Variants in LPCAT2 observed in about 807,000 individuals in gnomAD.
LPCAT2 encodes the protein lysophosphatidylcholine acyltransferase 2.
LPCAT2 carries 58 observed loss-of-function variants against 64.7 expected under a neutral mutation model. The ratio of observed to expected loss-of-function variants is 0.90; its 90% confidence interval spans 0.73 to 1.12. The LOEUF (loss-of-function observed/expected upper bound fraction) is 1.12, where lower values mean the gene tolerates loss of function less well. LPCAT2 is among the 50% of genes most tolerant of loss of function. LPCAT2 has a pLI of 0.00. For missense variants in LPCAT2, 579 were observed against 669.8 expected, an observed-to-expected ratio of 0.86 and a Z score of 1.50; for synonymous variants, 252 against 245.3, an observed-to-expected ratio of 1.03 and a Z score of -0.26.
chr16:55,512,918 A>G (rs1217248947), intron 1 of LPCAT2, among the ~76,000 whole-genome samples: 1 of 152,224 alleles, frequency 6.6e-6, no homozygotes, highest in Non-Finnish European at 1.5e-5. Flanking sequence ...TTTTCCCTAA[A>G]AAAGTATAAA....
At chr16:55,576,274 T>C (rs1176665827) in intron 12 of LPCAT2, among the ~76,000 whole-genome samples, 1 of 152,126 alleles carries the variant, frequency 6.6e-6, no homozygotes, top group East Asian at 1.9e-4. Flanking sequence ...GTTTTGGAAG[T>C]ATTTTTGCAT....
intron 9 of LPCAT2, among the ~76,000 whole-genome samples, chr16:55,548,336 TA>T (rs2142397604): frequency 6.6e-6 from 1 of 152,318 alleles, no homozygotes; most frequent in Non-Finnish European, 1.5e-5. Flanking sequence ...AACTAGGAGT[TA>T]TACTTTCCCT....
At chr16:55,576,772 A>G (rs1426741695) in intron 12 of LPCAT2, among the ~76,000 whole-genome samples, 1 of 152,216 alleles carries the variant, frequency 6.6e-6, no homozygotes, top group Non-Finnish European at 1.5e-5. Flanking sequence ...AGTCTAGATC[A>G]TGCATGGGGT....
chr16:55,578,381 C>T (rs1963851614), intron 12 of LPCAT2, among the ~76,000 whole-genome samples: 14 of 152,122 alleles, frequency 9.2e-5, no homozygotes. Flanking sequence ...TCTGTTTTCC[C>T]ACTTTGGCTA....
Position 55,583,025 on chromosome 16 carries a change from C to A in LPCAT2, c.1562C>A (p.Thr521Asn). 6.2e-7 allele frequency: 1 copy of A among 1,613,782 alleles called. No homozygotes were observed. The highest frequency in any genetic ancestry group is 8.5e-7 in the Non-Finnish European group (1 of 1,179,800). ...VFSLPKEVQT[T>N]PSTASNKVSP... is the part of the protein sequence containing the mutation. ...TCATTACCAAAAGAAGTCCAGACAA[C>A]CCCCTCCACCGCCAGTAATAAAGTC... The change falls in exon 14 of 14, where the codon ACC (threonine) becomes AAC (asparagine). Residue 521 changes from threonine (T) to asparagine (N), a missense_variant. Physicochemically the swap from Thr to Asn is moderately conservative, Grantham distance 65. Coordinates refer to ENST00000262134, the MANE Select transcript of LPCAT2 (RefSeq NM_017839.5).
intron 8 of LPCAT2, chr16:55,541,440 T>C (rs975738340): frequency 6.5e-6 from 1 of 153,336 alleles, no homozygotes; most frequent in African/African-American, 2.4e-5. Context: ...ATATAGTTTA[T>C]TTAAGTATCC....
Position 55,549,259 on chromosome 16 carries a change from G to T in LPCAT2, c.936-18G>T. 1.3e-6 allele frequency: 2 copies of T among 1,516,658 alleles called. No homozygotes were observed. The highest frequency in any genetic ancestry group is 1.3e-5 in the South Asian group (1 of 75,492). The allele number at this position is 1,516,658 out of a possible 1,614,324, so 94.0% of individuals were successfully genotyped here. A position where few individuals can be genotyped will look rare whatever the true frequency, so the allele number is the denominator to read the frequency against. ...TTTTAAAAAAAATGAATTTTAGTTT[G>T]CTTCTTAATACTTTTAGAGCTCTGG... On this transcript the variant is annotated intron_variant, in intron 9 of 13. Transcript: ENST00000262134.
chr16:55,578,427 A>C (rs887269270), intron 12 of LPCAT2, among the ~76,000 whole-genome samples: 6 of 152,190 alleles, frequency 3.9e-5, no homozygotes, highest in Admixed American at 3.9e-4. Flanking sequence ...CTAAACTAGA[A>C]GATACCATTT....
At chr16:55,548,544 A>G (rs13335131) in intron 9 of LPCAT2, among the ~76,000 whole-genome samples, 2,318 of 152,264 alleles carry the variant, frequency 0.015, 55 homozygotes, top group African/African-American at 0.051. Flanking sequence ...ATTTTTTGAT[A>G]TGGGGTTTCC....
intron 11 of LPCAT2, among the ~76,000 whole-genome samples, chr16:55,562,680 G>A (rs1278429894): frequency 6.6e-6 from 1 of 151,808 alleles, no homozygotes; most frequent in Non-Finnish European, 1.5e-5. Flanking sequence ...TGTAACCTAA[G>A]TACTGAGCCC....
intron 8 of LPCAT2, among the ~76,000 whole-genome samples, chr16:55,544,925 G>A (rs896416385): frequency 2.0e-5 from 3 of 152,140 alleles, no homozygotes; most frequent in Non-Finnish European, 4.4e-5. Flanking sequence ...GGTAATAAGG[G>A]TAATGACACT....
intron 9 of LPCAT2, among the ~76,000 whole-genome samples, chr16:55,547,553 T>C (rs1963467586): frequency 6.6e-6 from 1 of 152,184 alleles, no homozygotes; most frequent in South Asian, 2.1e-4. Context: ...AGGTGAGTAG[T>C]TTGCCCAAAG....
intron 2 of LPCAT2, chr16:55,526,077 T>C (rs558697789): frequency 6.6e-6 from 1 of 152,656 alleles, no homozygotes; most frequent in East Asian, 1.9e-4. Flanking sequence ...TGCAGTGGCA[T>C]AAGTGGATTA....
At chr16:55,562,507 T>C (rs1284821936) in intron 11 of LPCAT2, among the ~76,000 whole-genome samples, 4 of 151,920 alleles carry the variant, frequency 2.6e-5, no homozygotes, top group Non-Finnish European at 5.9e-5. Context: ...TTTGTATCTT[T>C]CAGAGGAATT....
At chr16:55,548,545 T>A (rs1001729849) in intron 9 of LPCAT2, among the ~76,000 whole-genome samples, 1 of 152,116 alleles carries the variant, frequency 6.6e-6, no homozygotes, top group Non-Finnish European at 1.5e-5. Flanking sequence ...TTTTTTGATA[T>A]GGGGTTTCCC....
chr16:55,576,354 C>T (rs1596890210), intron 12 of LPCAT2, among the ~76,000 whole-genome samples: 1 of 152,094 alleles, frequency 6.6e-6, no homozygotes. Context: ...TAGCACTTCA[C>T]AGTTAATTTC....
chr16:55,509,762 A>G (rs1017696809), intron 1 of LPCAT2, among the ~76,000 whole-genome samples: 9 of 152,062 alleles, frequency 5.9e-5, no homozygotes, highest in Admixed American at 5.2e-4. Flanking sequence ...AATTGAGGAC[A>G]TTTAGAGGAT....
At position 55,509,991 on chromosome 16, in the gene LPCAT2, C is replaced by CTTTTTTTTTTTTTTTTTTTTTTTTT. The variant is rs57496150; in HGVS notation, c.171+656_171+657insTTTTTTTTTTTTTTTTTTTTTTTTT. Among the ~76,000 whole-genome samples, 7 of 102,542 alleles carry CTTTTTTTTTTTTTTTTTTTTTTTTT rather than the reference C, an allele frequency of 6.8e-5. 1 individual carries two copies. Among genetic ancestry groups the CTTTTTTTTTTTTTTTTTTTTTTTTT allele is most frequent in the African/African-American group, 2.6e-4 (7 of 27,212 alleles). 67.3% of individuals were successfully genotyped at this position (102,542 alleles called of 152,430 possible). A position where few individuals can be genotyped will look rare whatever the true frequency, so the allele number is the denominator to read the frequency against. ...TACGGGAGAGTAGATTTGAAGAAGT[C>CTTTTTTTTTTTTTTTTTTTTTTTTT]TTTTTTTTTTTTTTTTTGCCTTAGG... is the stretch of plus-strand genomic sequence containing the variant. On this transcript the variant is annotated intron_variant, in intron 1 of 13. Transcript: ENST00000262134.
chr16:55,535,108 T>C (rs989634600), intron 7 of LPCAT2, among the ~76,000 whole-genome samples: 2 of 152,160 alleles, frequency 1.3e-5, no homozygotes, highest in Non-Finnish European at 2.9e-5. Flanking sequence ...TTTGTTTAGT[T>C]CCCTCTGAAT....
Sources: allele counts gnomAD v4.1 joint callset (sites outside exome capture counted in the v4.1 genomes callset), GRCh38; gene constraint gnomAD v4.1.1; transcripts MANE v1.5; gene names NCBI Gene and HGNC (gene_info 2026-07-23, HGNC 2026-07-21).